The following TPRG1 variants were observed in gnomAD, a reference collection of about 807,000 sequenced individuals.
TPRG1 encodes tumor protein p63 regulated 1, also known as tumor protein p63-regulated gene 1 protein.
Under a neutral mutation model 29.3 loss-of-function variants are expected in TPRG1, and 29 were observed. That is an observed-to-expected ratio of 0.99 (90% CI 0.74 to 1.35). The LOEUF (loss-of-function observed/expected upper bound fraction) is 1.35. Ranked by LOEUF, TPRG1 falls within the 40% of genes most tolerant of loss-of-function variation. The pLI is 0.00. For synonymous variants in TPRG1, 130 were observed against 116.8 expected, an observed-to-expected ratio of 1.11 and a Z score of -0.73; for missense variants, 327 against 335.0, an observed-to-expected ratio of 0.98 and a Z score of 0.19.
At chr3:189,030,230 C>G (rs1231304070) in intron 4 of TPRG1, among the ~76,000 whole-genome samples, 1 of 152,116 alleles carries the variant, frequency 6.6e-6, no homozygotes, top group Non-Finnish European at 1.5e-5. Context: ...ATTTTCCCAT[C>G]ACAAAATAAG....
chr3:189,242,031 ATAAAG>A (rs953925529), intron 4 of TPRG1, among the ~76,000 whole-genome samples: 2 of 152,136 alleles, frequency 1.3e-5, no homozygotes, highest in Admixed American at 6.6e-5. Flanking sequence ...TACTATAATT[ATAAAG>A]TAAATTTCCA....
intron 4 of TPRG1, among the ~76,000 whole-genome samples, chr3:189,298,794 T>A (rs1720357126): frequency 6.6e-6 from 1 of 152,208 alleles, no homozygotes; most frequent in African/African-American, 2.4e-5. Context: ...TCAGGAAATG[T>A]CATGAGCTGA....
At chr3:189,316,652 T>C (rs1027302477) in intron 5 of TPRG1, among the ~76,000 whole-genome samples, 2 of 152,124 alleles carry the variant, frequency 1.3e-5, no homozygotes, top group African/African-American at 4.8e-5. Flanking sequence ...AATAATACGA[T>C]GTCCCCCCTG....
intron 3 of TPRG1, among the ~76,000 whole-genome samples, chr3:189,022,579 GTC>G (rs1381657819): frequency 2.6e-5 from 4 of 151,862 alleles, no homozygotes; most frequent in Non-Finnish European, 4.4e-5. Flanking sequence ...TGAGGAGGCA[GTC>G]TGCCCGTTCT....
intron 4 of TPRG1, among the ~76,000 whole-genome samples, chr3:189,030,373 T>C (rs1171483064): frequency 2.0e-5 from 3 of 152,258 alleles, no homozygotes; most frequent in Non-Finnish European, 4.4e-5. Context: ...GATTTTTTTC[T>C]GGCAATACTA....
intron 1 of TPRG1, among the ~76,000 whole-genome samples, chr3:189,177,042 G>A (rs974919670): frequency 3.9e-5 from 6 of 152,164 alleles, no homozygotes; most frequent in Non-Finnish European, 7.3e-5. Context: ...GAAGAAGAGA[G>A]ATTCTTAGGG....
intron 5 of TPRG1, among the ~76,000 whole-genome samples, chr3:189,154,734 T>C (rs1726431604): frequency 6.6e-6 from 1 of 152,152 alleles, no homozygotes; most frequent in South Asian, 2.1e-4. Context: ...GGAGCCACTG[T>C]GCCCAGCCTG....
intron 5 of TPRG1, among the ~76,000 whole-genome samples, chr3:189,157,563 G>C (rs570805213): frequency 1.8e-4 from 28 of 152,270 alleles, no homozygotes; most frequent in African/African-American, 6.0e-4. Flanking sequence ...GCCACCTTCT[G>C]TTCTGGTTTG....
At chr3:189,304,752 G>A (rs1398073379) in intron 4 of TPRG1, among the ~76,000 whole-genome samples, 2 of 152,150 alleles carry the variant, frequency 1.3e-5, no homozygotes, top group African/African-American at 4.8e-5. Flanking sequence ...GATTAAATAA[G>A]CAAGAGACTA....
At chr3:189,273,643 A>T (rs1029043495) in intron 4 of TPRG1, among the ~76,000 whole-genome samples, 14 of 152,238 alleles carry the variant, frequency 9.2e-5, no homozygotes, top group African/African-American at 3.4e-4. Context: ...TTTCCAAAAA[A>T]GCAGTGAATG....
At chr3:189,243,766 C>A (rs1740977894) in intron 4 of TPRG1, among the ~76,000 whole-genome samples, 1 of 152,138 alleles carries the variant, frequency 6.6e-6, no homozygotes, top group African/African-American at 2.4e-5. Context: ...CCACAGATAC[C>A]TAGGGCAGAG....
chr3:189,306,372 A>G (rs6785321), intron 4 of TPRG1, among the ~76,000 whole-genome samples: 42,559 of 152,062 alleles, frequency 0.28, 6,440 homozygotes, highest in Middle Eastern at 0.35. Flanking sequence ...TTACATATGA[A>G]AACATTGATG....
At chr3:189,269,645 C>T (rs1006414054) in intron 4 of TPRG1, among the ~76,000 whole-genome samples, 2 of 152,066 alleles carry the variant, frequency 1.3e-5, no homozygotes, top group African/African-American at 4.8e-5. Flanking sequence ...TTAGAGCCTT[C>T]CAAGATGCTA....
intron 4 of TPRG1, among the ~76,000 whole-genome samples, chr3:189,264,339 T>G (rs1242420338): frequency 6.6e-6 from 1 of 152,182 alleles, no homozygotes; most frequent in African/African-American, 2.4e-5. Flanking sequence ...TTTGGGAAAG[T>G]TTACTATTTG....
intron 1 of TPRG1, among the ~76,000 whole-genome samples, chr3:189,124,671 T>C (rs1329267413): frequency 6.6e-6 from 1 of 152,162 alleles, no homozygotes; most frequent in Non-Finnish European, 1.5e-5. Context: ...CTCTCCACTT[T>C]ATGTATGAGG....
intron 4 of TPRG1, among the ~76,000 whole-genome samples, chr3:189,283,580 G>A (rs778731089): frequency 2.6e-5 from 4 of 152,132 alleles, no homozygotes; most frequent in Admixed American, 1.3e-4. Flanking sequence ...CATTTATAGA[G>A]GTTCTCTTAA....
At chr3:189,306,582 G>T (rs1173653048) in intron 4 of TPRG1, among the ~76,000 whole-genome samples, 1 of 152,034 alleles carries the variant, frequency 6.6e-6, no homozygotes, top group African/African-American at 2.4e-5. Flanking sequence ...TTTCACTAGT[G>T]GTTCTTGACT....
At chr3:189,230,088 C>A (rs1472902452) in intron 3 of TPRG1, among the ~76,000 whole-genome samples, 3 of 152,156 alleles carry the variant, frequency 2.0e-5, no homozygotes, top group Non-Finnish European at 4.4e-5. Context: ...CAGGGGTGGG[C>A]CTCTTGTTAG....
chr3:189,242,313 T>C (rs1446263119), intron 4 of TPRG1, among the ~76,000 whole-genome samples: 1 of 152,174 alleles, frequency 6.6e-6, no homozygotes, highest in Non-Finnish European at 1.5e-5. Context: ...TATAACCTTA[T>C]ATTATGTGTC....
Sources: allele counts gnomAD v4.1 joint callset (sites outside exome capture counted in the v4.1 genomes callset), GRCh38; gene constraint gnomAD v4.1.1; transcripts MANE v1.5; gene names NCBI Gene and HGNC (gene_info 2026-07-23, HGNC 2026-07-21).